The following DNAH1 variants were observed in gnomAD, a reference collection of about 807,000 sequenced individuals.
The protein encoded by DNAH1 is dynein axonemal heavy chain 1.
Under a neutral mutation model 484.3 loss-of-function variants are expected in DNAH1, and 327 were observed. That is an observed-to-expected ratio of 0.68 (90% CI 0.62 to 0.74). The LOEUF (loss-of-function observed/expected upper bound fraction) is 0.74, where lower values mean the gene tolerates loss of function less well. Ranked by LOEUF, DNAH1 falls within the 30% of genes least tolerant of loss-of-function variation. DNAH1 has a pLI of 0.00. For synonymous variants in DNAH1, 2,192 were observed against 2,191.9 expected (o/e 1.00, Z 0.00); for missense variants, 5,052 against 5,546.8 (o/e 0.91, Z 2.83).
rs369715404 is a variant in DNAH1, at chr3:52,364,934, C to A, written c.5433C>A (p.Thr1811=). 4 of 1,613,882 alleles carry A rather than the reference C, an allele frequency of 2.5e-6. No individual in the cohort carries two copies. Among genetic ancestry groups the A allele is most frequent in the Non-Finnish European group, 3.4e-6 (4 of 1,179,890 alleles). The change falls in exon 34 of 78, where the codon ACC becomes ACA. Residue 1811 remains threonine, a synonymous_variant. Coordinates refer to ENST00000420323, the MANE Select transcript of DNAH1 (RefSeq NM_015512.5). The surrounding 1 kb of genome is among the most constrained non-coding windows in gnomAD (Gnocchi z 4.2). ...GCATCGTGTCCGACCTGTTTCCCAC[C>A]ATCAAGGAGGAGGACACGGACTACG... ...FSGIVSDLFP[T]IKEEDTDYGI...
intron 41 of DNAH1, 43 bp downstream of exon 41, chr3:52,370,868 C>G: frequency 6.5e-7 from 1 of 1,543,154 alleles, no homozygotes; most frequent in Non-Finnish European, 8.8e-7. Flanking sequence ...GGAGGGACCA[C>G]TGGGTGGCTG....
At chr3:52,325,086 T>C (rs1452485925) in intron 3 of DNAH1, among the ~76,000 whole-genome samples, 1 of 152,114 alleles carries the variant, frequency 6.6e-6, no homozygotes, top group Non-Finnish European at 1.5e-5. Context: ...AAAACAGCCT[T>C]CTTGGCAGCC....
chr3:52,319,032 G>C (rs951947399), intron 1 of DNAH1, among the ~76,000 whole-genome samples: 1 of 152,242 alleles, frequency 6.6e-6, no homozygotes, highest in African/African-American at 2.4e-5. Context: ...TGTGATGCTA[G>C]AACATGGATC....
chr3:52,331,273 G>C lies in DNAH1; in HGVS notation c.997G>C (p.Gly333Arg), dbSNP rs748892873. 1.9e-6 allele frequency: 3 copies of C among 1,610,720 alleles called. No individual in the cohort carries two copies. The highest frequency in any genetic ancestry group is 1.7e-6 in the Non-Finnish European group (2 of 1,178,674). Residue 333 changes from glycine to arginine, a missense_variant, in exon 7 of 78, where the codon GGG becomes CGG. Gly to Arg is a moderately radical substitution (Grantham distance 125). Around this residue, in one of 4 missense-constraint regions of DNAH1, gnomAD observed 1,263 missense variants for 1,218.8 expected, o/e 1.04. Coordinates refer to ENST00000420323, the MANE Select transcript of DNAH1 (RefSeq NM_015512.5). ...DEKGLVRDEM[G>R]RPILNAGVTT... ...GAAAGGCCTGGTGCGAGATGAGATGGGGAGGCCCATCCTGAATGCAGGGGT... is the reference window on the plus strand; with the variant it reads ...GAAAGGCCTGGTGCGAGATGAGATGCGGAGGCCCATCCTGAATGCAGGGGT...
At position 52,361,704 on chromosome 3, in the gene DNAH1, A is replaced by G. The variant is rs768015166; in HGVS notation, c.4918A>G (p.Ile1640Val). Residue 1640 changes from isoleucine (I) to valine (V), a missense_variant, in exon 30 of 78, where the codon ATC becomes GTC. Ile to Val is a conservative substitution (Grantham distance 29). Coordinates refer to ENST00000420323, the MANE Select transcript of DNAH1 (RefSeq NM_015512.5). This position sits in a 1 kb window ranked among gnomAD's most constrained non-coding sequence, Gnocchi z 5.6. ...ACFDEFNRID[I>V]EVLSVVAQQI... ...CTTCGACGAGTTCAATCGCATCGAC[A>G]TCGAGGTGCTGTCTGTGGTGGCGCA... is the stretch of plus-strand genomic sequence containing the variant. 9.3e-6 allele frequency: 15 copies of G among 1,611,782 alleles called. No individual in the cohort carries two copies. Among genetic ancestry groups the G allele is most frequent in the Non-Finnish European group, 1.2e-5 (14 of 1,179,078 alleles).
intron 75 of DNAH1, 143 bp downstream of exon 75, chr3:52,398,305 C>T (rs1193696766): frequency 4.5e-6 from 5 of 1,114,924 alleles, no homozygotes; most frequent in Admixed American, 3.0e-5. Context: ...GTTGTTGACA[C>T]GGAGTCTCTC....
intron 44 of DNAH1, 94 bp downstream of exon 44, chr3:52,373,147 G>C: frequency 7.3e-7 from 1 of 1,368,882 alleles, no homozygotes; most frequent in Non-Finnish European, 9.5e-7. Context: ...ATACTTTAAG[G>C]CACCCACAAA....
rs555786506 is a variant in DNAH1, at chr3:52,351,809, C to T, written c.2730-153C>T. On this transcript the variant is annotated intron_variant, in intron 16 of 77. Coordinates refer to ENST00000420323, the MANE Select transcript of DNAH1 (RefSeq NM_015512.5). Reference sequence around the variant, plus strand: ...CAGCTCACCTGTACTTCGCAGCTGTCTGGCCCCAGGTAGCCTCCACAGCTG... The same window carrying T: ...CAGCTCACCTGTACTTCGCAGCTGTTTGGCCCCAGGTAGCCTCCACAGCTG... 1.8e-4 allele frequency among the ~76,000 whole-genome samples: 27 copies of T among 152,356 alleles called. No homozygotes were observed. In the South Asian group the frequency reaches 4.3e-3, roughly 25 times the overall value.
At chr3:52,344,886 A>C (rs529700419) in intron 9 of DNAH1, among the ~76,000 whole-genome samples, 169 of 152,358 alleles carry the variant, frequency 1.1e-3, no homozygotes, top group African/African-American at 3.8e-3. Context: ...CAGAAGTTGC[A>C]AGGTGAATGT....
chr3:52,361,561 G>A lies in DNAH1; in HGVS notation c.4875-100G>A. 8.0e-6 allele frequency: 11 copies of A among 1,367,078 alleles called. No individual in the cohort carries two copies. Among genetic ancestry groups the A allele is most frequent in the Non-Finnish European group, 1.1e-5 (11 of 994,286 alleles). The allele number at this position is 1,367,078 out of a possible 1,614,324, so 84.7% of individuals were successfully genotyped here. On this transcript the variant is annotated intron_variant, in intron 29 of 77. Transcript: ENST00000420323. This position sits in a 1 kb window ranked among gnomAD's most constrained non-coding sequence, Gnocchi z 5.6. ...CTGAGCTGATGGAGATTGCCCCTGA[G>A]GGCTTCCTCCCAAGTGGAGTTGGAG...
chr3:52,374,899 G>C (rs946209215), intron 44 of DNAH1: 1 of 1,000,228 alleles, frequency 1.0e-6, no homozygotes, highest in African/African-American at 1.7e-5. Context: ...CTAAAAACGA[G>C]AGTGACATGA....
chr3:52,336,089 T>A (rs774765858), intron 8 of DNAH1, among the ~76,000 whole-genome samples: 1 of 152,364 alleles, frequency 6.6e-6, no homozygotes, highest in East Asian at 1.9e-4. Flanking sequence ...GTTGATACTT[T>A]CTTTTGCTGT....
intron 34 of DNAH1, 88 bp from the exon 35 acceptor site, chr3:52,366,369 G>A: frequency 1.9e-6 from 2 of 1,053,112 alleles, no homozygotes; most frequent in Non-Finnish European, 1.4e-6. Flanking sequence ...AGGGAGTGCA[G>A]TGACTCACCC....
chr3:52,339,700 G>A (rs1701862138), intron 8 of DNAH1, among the ~76,000 whole-genome samples: 1 of 152,018 alleles, frequency 6.6e-6, no homozygotes, highest in African/African-American at 2.4e-5. Context: ...TTCAGGATTT[G>A]GAGTGATTTG....
rs116519645 is a variant in DNAH1, at chr3:52,325,550, A to G, written c.407-590A>G. 9.1e-4 allele frequency among the ~76,000 whole-genome samples: 139 copies of G among 152,304 alleles called. 2 individuals are homozygous for G. Among genetic ancestry groups the G allele is most frequent in the African/African-American group, 3.2e-3 (133 of 41,548 alleles). ...ACTGAGATGGATGGTCACCCTATCAATGGGTCTCTCCCCACCAACTCCCCT... is the reference window on the plus strand; with the variant it reads ...ACTGAGATGGATGGTCACCCTATCAGTGGGTCTCTCCCCACCAACTCCCCT... On this transcript the variant is annotated intron_variant, in intron 3 of 77. Transcript: ENST00000420323.
chr3:52,385,522 G>A lies in DNAH1; in HGVS notation c.8625+75G>A, dbSNP rs967584443. Reference sequence around the variant, plus strand: ...GGCACCCCCACACAGGCGCAGGCTCGCTAGCTGCCTGGCCACTGCAAGTCA... The same window carrying A: ...GGCACCCCCACACAGGCGCAGGCTCACTAGCTGCCTGGCCACTGCAAGTCA... On this transcript the variant is annotated intron_variant, in intron 54 of 77. Coordinates refer to ENST00000420323, the MANE Select transcript of DNAH1 (RefSeq NM_015512.5). The A allele has an allele frequency of 2.5e-5, 31 of 1,248,060 alleles. No homozygotes were observed. In the East Asian group the frequency reaches 2.8e-4, roughly 11 times the overall value. The allele number at this position is 1,248,060 out of a possible 1,614,324, so 77.3% of individuals were successfully genotyped here. A position where few individuals can be genotyped will look rare whatever the true frequency, so the allele number is the denominator to read the frequency against.
chr3:52,368,988 C>T lies in DNAH1; in HGVS notation c.5943+70C>T, dbSNP rs1331780751. ...GGGCCTGGAGGCTGCATCATGCTGG[C>T]CAAACTCTGCCCCCTCACCCCTTTC... On this transcript the variant is annotated intron_variant, in intron 37 of 77. Coordinates refer to ENST00000420323, the MANE Select transcript of DNAH1 (RefSeq NM_015512.5). The surrounding 1 kb of genome is among the most constrained non-coding windows in gnomAD (Gnocchi z 4.4). 5.2e-6 allele frequency: 8 copies of T among 1,549,174 alleles called. No homozygotes were observed. The East Asian group carries it at 1.1e-4, about 22-fold the overall frequency.
chr3:52,394,931 A>G lies in DNAH1; in HGVS notation c.10840A>G (p.Ile3614Val). 1 of 1,613,570 alleles carries G rather than the reference A, an allele frequency of 6.2e-7. No homozygotes were observed. Among genetic ancestry groups the G allele is most frequent in the South Asian group, 1.1e-5 (1 of 90,974 alleles). Residue 3614 changes from isoleucine (I) to valine (V), a missense_variant, in exon 68 of 78, where the codon ATC becomes GTC. Physicochemically the swap from Ile to Val is conservative, Grantham distance 29. Transcript: ENST00000420323. ...LEPHREPLPG[I>V]WDQYLDQFQK... ...CTGTTGCAGGGAGCCTTTGCCTGGC[A>G]TCTGGGACCAGTACCTAGACCAGTT...
At position 52,396,648 on chromosome 3, in the gene DNAH1, C is replaced by A; in HGVS notation, c.11461C>A (p.Leu3821Met). 1 of 1,613,602 alleles carries A rather than the reference C, an allele frequency of 6.2e-7. No individual in the cohort carries two copies. The highest frequency in any genetic ancestry group is 8.5e-7 in the Non-Finnish European group (1 of 1,179,782). ...VMEFKSLLLSLCLFHGNALER... is the reference protein window; with the variant it reads ...VMEFKSLLLSMCLFHGNALER... ...GGAGTTCAAGTCTCTGCTGCTGTCT[C>A]TGTGCTTGTTCCATGGGAACGCCCT... Residue 3821 changes from leucine to methionine, a missense_variant, in exon 72 of 78, where the codon CTG becomes ATG. Leu to Met is a conservative substitution (Grantham distance 15, BLOSUM62 2). Coordinates refer to ENST00000420323, the MANE Select transcript of DNAH1 (RefSeq NM_015512.5).
Sources: gnomAD v4.1 joint callset for allele counts (sites outside exome capture counted in the v4.1 genomes callset) on GRCh38, gnomAD v4.1.1 for gene constraint, gnomAD v4.1.1 regional missense constraint, Gnocchi (gnomAD v3.1) non-coding constraint, MANE v1.5 for transcripts, NCBI Gene and HGNC (gene_info 2026-07-23, HGNC 2026-07-21) for gene names.